The following DPP6 variants were observed in gnomAD, a reference collection of about 807,000 sequenced individuals.
DPP6 encodes dipeptidyl peptidase like 6.
DPP6 carries 69 observed loss-of-function variants against 122.6 expected under a neutral mutation model. The observed-to-expected ratio is 0.56, with a 90% confidence interval of 0.46 to 0.69. The LOEUF (loss-of-function observed/expected upper bound fraction) is 0.69. DPP6 is among the 30% of genes least tolerant of loss of function. The pLI, the probability that DPP6 is intolerant of heterozygous loss-of-function variation, is 0.00. For missense variants in DPP6, 928 were observed against 1,116.9 expected, an observed-to-expected ratio of 0.83 and a Z score of 2.41; for synonymous variants, 418 against 433.1, an observed-to-expected ratio of 0.97 and a Z score of 0.43.
chr7:154,747,074 G>GT (rs1843068726), intron 8 of DPP6, among the ~76,000 whole-genome samples: 1 of 152,098 alleles, frequency 6.6e-6, no homozygotes, highest in Non-Finnish European at 1.5e-5. Context: ...GAAAATCCTG[G>GT]TTTTCAGAAA....
chr7:154,571,922 G>T (rs1340122739), intron 5 of DPP6, among the ~76,000 whole-genome samples: 11 of 152,146 alleles, frequency 7.2e-5, no homozygotes, highest in African/African-American at 2.7e-4. Flanking sequence ...AAGTTAGCAG[G>T]ATCCTTGCAC....
At chr7:153,826,368 T>C in the DPP6 span, among the ~76,000 whole-genome samples, 1 of 152,200 alleles carries the variant, frequency 6.6e-6, no homozygotes, top group East Asian at 1.9e-4. Flanking sequence ...TTTGGATTTT[T>C]CTAGATATAG....
intron 1 of DPP6, among the ~76,000 whole-genome samples, chr7:153,980,467 A>G (rs183496702): frequency 2.7e-5 from 4 of 150,886 alleles, no homozygotes; most frequent in East Asian, 3.9e-4. Context: ...TTAGTGGTCT[A>G]TCTATTTTGT....
intron 1 of DPP6, among the ~76,000 whole-genome samples, chr7:154,320,196 C>T (rs996866742): frequency 8.6e-5 from 13 of 151,880 alleles, no homozygotes; most frequent in South Asian, 2.1e-4. Context: ...AAATATTTTA[C>T]GTTTGTTTTT....
chr7:154,075,138 A>T (rs1803466509), intron 1 of DPP6, among the ~76,000 whole-genome samples: 1 of 152,100 alleles, frequency 6.6e-6, no homozygotes, highest in South Asian at 2.1e-4. Context: ...GGCCATAATT[A>T]AAAAATCAAA....
At chr7:153,974,586 C>T (rs370654802) in intron 1 of DPP6, among the ~76,000 whole-genome samples, 159 of 152,184 alleles carry the variant, frequency 1.0e-3, no homozygotes, top group African/African-American at 3.6e-3. Context: ...TTAACTTAAG[C>T]GAGAAAATCT....
chr7:154,251,253 T>C (rs376974322), intron 1 of DPP6, among the ~76,000 whole-genome samples: 4 of 152,342 alleles, frequency 2.6e-5, no homozygotes, highest in East Asian at 3.9e-4. Flanking sequence ...GAGCTACTTA[T>C]TTCAGAGGAA....
intron 1 of DPP6, among the ~76,000 whole-genome samples, chr7:154,079,133 C>G (rs1175046579): frequency 2.0e-5 from 3 of 151,998 alleles, no homozygotes; most frequent in African/African-American, 4.8e-5. Context: ...GGTGCATGCC[C>G]ACAGTGAGCT....
chr7:154,650,239 C>T (rs1460977644), intron 6 of DPP6, among the ~76,000 whole-genome samples: 3 of 151,986 alleles, frequency 2.0e-5, no homozygotes, highest in Non-Finnish European at 2.9e-5. Context: ...GTGGGAGAAT[C>T]GCATGAGCCC....
intron 1 of DPP6, among the ~76,000 whole-genome samples, chr7:154,060,214 C>T (rs1175801986): frequency 6.9e-6 from 1 of 145,182 alleles, no homozygotes; most frequent in African/African-American, 2.6e-5. Context: ...GCGAGCCCCT[C>T]TTCCCCCCTT....
At chr7:153,791,104 G>T in the DPP6 span, among the ~76,000 whole-genome samples, 1 of 152,102 alleles carries the variant, frequency 6.6e-6, no homozygotes, top group African/African-American at 2.4e-5. Flanking sequence ...GTTATAAAAG[G>T]CTCAGAAATA....
At chr7:153,962,262 G>A (rs948153022) in intron 1 of DPP6, among the ~76,000 whole-genome samples, 1 of 152,096 alleles carries the variant, frequency 6.6e-6, no homozygotes, top group African/African-American at 2.4e-5. Context: ...GTGTTTCTTT[G>A]TACTCCAATG....
chr7:154,082,383 G>C lies in DPP6; in HGVS notation c.243+29320G>C, dbSNP rs550383501. Among the ~76,000 whole-genome samples, 14 of 152,272 alleles carry C rather than the reference G, an allele frequency of 9.2e-5. No individual in the cohort carries two copies. The South Asian group carries it at 2.9e-3, about 32-fold the overall frequency. ...GAAATCCAGGGAAAGCTGGAAAATTGATCCAGGGTCAAACACTGAACTTAT... is the reference window on the plus strand; with the variant it reads ...GAAATCCAGGGAAAGCTGGAAAATTCATCCAGGGTCAAACACTGAACTTAT... On this transcript the variant is annotated intron_variant, in intron 1 of 25. Coordinates refer to ENST00000377770, the MANE Select transcript of DPP6 (RefSeq NM_130797.4).
At chr7:154,119,420 G>C (rs1290280053) in intron 1 of DPP6, among the ~76,000 whole-genome samples, 1 of 151,896 alleles carries the variant, frequency 6.6e-6, no homozygotes, top group Non-Finnish European at 1.5e-5. Context: ...GAAGACAGGG[G>C]TTTAAAAAAG....
chr7:154,366,690 A>G (rs1024146558), intron 1 of DPP6, among the ~76,000 whole-genome samples: 1 of 152,196 alleles, frequency 6.6e-6, no homozygotes, highest in African/African-American at 2.4e-5. Flanking sequence ...TTAAATCAAC[A>G]GGTTTCATGA....
In DPP6 at chr7:154,411,521, A is replaced by C. The variant is rs1816596624; in HGVS notation, c.244-34693A>C. 2.0e-5 allele frequency among the ~76,000 whole-genome samples: 3 copies of C among 152,334 alleles called. No homozygotes were observed. The South Asian group carries it at 6.2e-4, about 32-fold the overall frequency. ...CTCTCTAAGTGCGGAGATTACAGGC[A>C]TGAGCCACAGTGCTTGGCCTCAATT... is the stretch of plus-strand genomic sequence containing the variant. On this transcript the variant is annotated intron_variant, in intron 1 of 25. Coordinates refer to ENST00000377770, the MANE Select transcript of DPP6 (RefSeq NM_130797.4).
At chr7:154,144,678 C>T (rs1419863391) in intron 1 of DPP6, among the ~76,000 whole-genome samples, 2 of 151,984 alleles carry the variant, frequency 1.3e-5, no homozygotes, top group African/African-American at 4.8e-5. Context: ...TGTTTTAGCC[C>T]TCACCTCCAG....
chr7:154,364,398 C>A (rs980525987), intron 1 of DPP6, among the ~76,000 whole-genome samples: 2 of 152,200 alleles, frequency 1.3e-5, no homozygotes, highest in African/African-American at 4.8e-5. Context: ...GCCAGCCCAG[C>A]TCATCTCCTT....
At chr7:154,526,015 A>G (rs1012365537) in intron 3 of DPP6, among the ~76,000 whole-genome samples, 2 of 152,216 alleles carry the variant, frequency 1.3e-5, no homozygotes, top group South Asian at 2.1e-4. Context: ...AGTTTTAACA[A>G]AACCTAAAAA....
Sources: allele counts gnomAD v4.1 joint callset (sites outside exome capture counted in the v4.1 genomes callset), GRCh38; gene constraint gnomAD v4.1.1; transcripts MANE v1.5; gene names NCBI Gene and HGNC (gene_info 2026-07-23, HGNC 2026-07-21).